The following A3GALT2 variants were observed in gnomAD, a reference collection of about 807,000 sequenced individuals.
A3GALT2 encodes alpha 1,3-galactosyltransferase 2, also known as alpha-1,3-galactosyltransferase 2.
A neutral mutation model predicts 16.6 loss-of-function variants in A3GALT2; 14 were observed. The observed-to-expected ratio is 0.84, with a 90% CI of 0.56 to 1.32. A3GALT2 has a LOEUF of 1.32. A3GALT2 is among the 40% of genes most tolerant of loss of function. A3GALT2 has a pLI of 0.00. For missense variants in A3GALT2, 600 were observed against 490.9 expected (o/e 1.22, Z -2.10); for synonymous variants, 253 against 218.0 (o/e 1.16, Z -1.42).
chr1:33,312,282 G>A (rs1312754569), intron 3 of A3GALT2, 93 bp from the exon 4 acceptor site: 17 of 1,543,526 alleles, frequency 1.1e-5, no homozygotes, highest in African/African-American at 1.4e-5. Context: ...TGAGCCCTAG[G>A]GACCCATAGA....
Position 33,307,086 on chromosome 1 carries a change from C to A in A3GALT2, c.703G>T (p.Glu235Ter), listed in dbSNP as rs1418927165. The change falls in exon 5 of 5, where the codon GAA becomes TAA. Residue 235 changes from glutamate (E) to a stop codon, truncating the protein, a stop_gained. Transcript: ENST00000442999. LOFTEE classifies it low-confidence loss of function (END_TRUNC). ...GCGGCGGCCGAATGCGCGTCGCGTTCGAAGGGCAGCAGCCACGACGGCCAG... is the reference window on the plus strand; with the variant it reads ...GCGGCGGCCGAATGCGCGTCGCGTTAGAAGGGCAGCAGCCACGACGGCCAG... ...YHWPSWLLPF[E>*]RDAHSAAAMA... 1 of 1,522,528 alleles carries A rather than the reference C, an allele frequency of 6.6e-7. No individual in the cohort carries two copies. Among genetic ancestry groups the A allele is most frequent in the Non-Finnish European group, 8.8e-7 (1 of 1,137,484 alleles). 94.3% of individuals were successfully genotyped at this position (1,522,528 alleles called of 1,614,324 possible). A position where few individuals can be genotyped will look rare whatever the true frequency, so the allele number is the denominator to read the frequency against.
chr1:33,317,230 C>T (rs1008844225), intron 1 of A3GALT2, among the ~76,000 whole-genome samples: 1 of 152,076 alleles, frequency 6.6e-6, no homozygotes, highest in Non-Finnish European at 1.5e-5. Flanking sequence ...GAAAAATGCT[C>T]ATACAGGAAC....
chr1:33,316,327 G>A (rs534015058), intron 1 of A3GALT2, among the ~76,000 whole-genome samples: 3 of 152,196 alleles, frequency 2.0e-5, no homozygotes, highest in East Asian at 1.9e-4. Flanking sequence ...CCCAGGGCCC[G>A]CATGTCAGGC....
rs1646281750 is a variant in A3GALT2, at chr1:33,320,695, C to A, written c.23+381G>T. On this transcript the variant is annotated intron_variant, in intron 1 of 4. Transcript: ENST00000442999. The surrounding 1 kb of genome is among the most constrained non-coding windows in gnomAD (Gnocchi z 4.3). ...TCTTAAGGGGGCACAGGTTCCTAGTCCTGGACCATCAGTCCCAGTGGGGAT... is the reference window on the plus strand; with the variant it reads ...TCTTAAGGGGGCACAGGTTCCTAGTACTGGACCATCAGTCCCAGTGGGGAT... 6.6e-6 allele frequency among the ~76,000 whole-genome samples: 1 copy of A among 152,012 alleles called. No individual in the cohort carries two copies. Among genetic ancestry groups the A allele is most frequent in the Admixed American group, 6.6e-5 (1 of 15,122 alleles).
At chr1:33,319,003 C>T (rs1177897477) in intron 1 of A3GALT2, among the ~76,000 whole-genome samples, 3 of 152,220 alleles carry the variant, frequency 2.0e-5, no homozygotes, top group African/African-American at 7.2e-5. Flanking sequence ...TAAGTCTGCA[C>T]TCCTTATGCA....
chr1:33,311,327 G>A lies in A3GALT2; in HGVS notation c.335+725C>T, dbSNP rs920628054. 2.0e-5 allele frequency among the ~76,000 whole-genome samples: 3 copies of A among 152,060 alleles called. No individual in the cohort carries two copies. In the East Asian group the frequency reaches 5.8e-4, roughly 29 times the overall value. ...TTTCCCGTGCCCTCCACGGTCACCT[G>A]TTCCCTTCACAGTTACCTGTTCCCA... is the stretch of plus-strand genomic sequence containing the variant. On this transcript the variant is annotated intron_variant, in intron 4 of 4. Transcript: ENST00000442999.
chr1:33,308,572 TTTTTTTGTA>T (rs1222100345), intron 4 of A3GALT2, among the ~76,000 whole-genome samples: 4 of 151,472 alleles, frequency 2.6e-5, no homozygotes, highest in Admixed American at 6.6e-5. Flanking sequence ...GCCCGGCCAA[TTTTTTTGTA>T]TTTTTAGTAG....
chr1:33,313,170 A>AGT lies in A3GALT2; in HGVS notation c.24-281_24-280insAC, dbSNP rs72510638. On this transcript the variant is annotated intron_variant, in intron 1 of 4. Transcript: ENST00000442999. ...ATGCACAAGTGTTTGTGGCTCAGTG[A>AGT]CGGAGTTTTTTTTTTTTTTTTTTTT... Among the ~76,000 whole-genome samples, 2 of 452 alleles carry AGT rather than the reference A, an allele frequency of 4.4e-3. 1 individual carries two copies. Among genetic ancestry groups the AGT allele is most frequent in the Admixed American group, 0.083 (2 of 24 alleles). 0.3% of individuals were successfully genotyped at this position (452 alleles called of 152,430 possible).
chr1:33,316,064 TTCGTAGATGAGGAGG>T (rs1646259896), intron 1 of A3GALT2, among the ~76,000 whole-genome samples: 1 of 152,176 alleles, frequency 6.6e-6, no homozygotes, highest in African/African-American at 2.4e-5. Flanking sequence ...CACCTGAGCC[TTCGTAGATGAGGAGG>T]TAGTTGGGGC....
chr1:33,308,959 C>A (rs562068439), intron 4 of A3GALT2, among the ~76,000 whole-genome samples: 2 of 151,162 alleles, frequency 1.3e-5, no homozygotes, highest in African/African-American at 2.4e-5. Context: ...GATTAGGGAG[C>A]GGTGATGACT....
In A3GALT2 at chr1:33,312,849, A is replaced by AGT; in HGVS notation, c.63_64dup (p.Leu22HisfsTer5). On this transcript the variant is annotated frameshift_variant, in exon 2 of 5. Coordinates refer to ENST00000442999, the MANE Select transcript of A3GALT2 (RefSeq NM_001080438.1). LOFTEE classifies it high-confidence loss of function. The stretch of plus-strand genomic sequence containing the variant: ...ATACAGAAACAGGCCTAAGAGGCCA[A>AGT]GTGTAAGTAGGATCTGCCGCCAGAA... 4 of 1,606,916 alleles carry AGT rather than the reference A, an allele frequency of 2.5e-6. No individual in the cohort carries two copies. In the South Asian group the frequency reaches 4.5e-5, roughly 18 times the overall value.
chr1:33,316,638 T>C (rs1311180502), intron 1 of A3GALT2, among the ~76,000 whole-genome samples: 8 of 149,996 alleles, frequency 5.3e-5, no homozygotes, highest in Non-Finnish European at 1.0e-4. Flanking sequence ...GAGGAATAGG[T>C]GGTGAGGGGC....
At position 33,312,587 on chromosome 1, in the gene A3GALT2, A is replaced by G; in HGVS notation, c.111T>C (p.His37=). Residue 37 remains histidine (H), a synonymous_variant, in exon 3 of 5, where the codon CAT becomes CAC. Transcript: ENST00000442999. Reference sequence around the variant, plus strand: ...CGCCCATGGGGATGAGGGCTTCCAGATGCCTGTGGTGGGTTGAGGGGCGGG... The same window carrying G: ...CGCCCATGGGGATGAGGGCTTCCAGGTGCCTGTGGTGGGTTGAGGGGCGGG... The part of the protein sequence containing the change: ...LFLYGLPKFR[H]LEALIPMGVC... 6.3e-7 allele frequency: 1 copy of G among 1,585,548 alleles called. No homozygotes were observed. The highest frequency in any genetic ancestry group is 8.6e-7 in the Non-Finnish European group (1 of 1,164,254).
chr1:33,312,984 G>T, intron 1 of A3GALT2, 94 bp from the exon 2 acceptor site: 1 of 1,044,502 alleles, frequency 9.6e-7, no homozygotes, highest in South Asian at 1.4e-5. Context: ...CTTACTTCCA[G>T]CCAGCTGGTT....
Position 33,307,193 on chromosome 1 carries a change from T to C in A3GALT2, c.596A>G (p.Asp199Gly). ...AGTGCCGCTGAAGTGCTGGTCCACG[T>C]CCATGCAGAACATGAAGTGCGCCTC... ...GREAHFMFCM[D>G]VDQHFSGTFG... The change falls in exon 5 of 5, where the codon GAC becomes GGC. Residue 199 changes from aspartate to glycine, a missense_variant. Transcript: ENST00000442999. 6.5e-7 allele frequency: 1 copy of C among 1,541,696 alleles called. No homozygotes were observed. The highest frequency in any genetic ancestry group is 1.2e-5 in the South Asian group (1 of 82,650).
At chr1:33,318,714 C>T (rs1004177968) in intron 1 of A3GALT2, among the ~76,000 whole-genome samples, 3 of 152,134 alleles carry the variant, frequency 2.0e-5, no homozygotes, top group Admixed American at 6.5e-5. Flanking sequence ...CATTCCTCAG[C>T]ACCCAGCTTC....
intron 4 of A3GALT2, among the ~76,000 whole-genome samples, chr1:33,308,562 G>A (rs937762995): frequency 5.3e-5 from 8 of 151,624 alleles, no homozygotes; most frequent in Non-Finnish European, 8.8e-5. Flanking sequence ...CCACCACCAC[G>A]CCCGGCCAAT....
chr1:33,317,234 CA>C (rs1405400787), intron 1 of A3GALT2, among the ~76,000 whole-genome samples: 4 of 152,056 alleles, frequency 2.6e-5, no homozygotes, highest in African/African-American at 4.8e-5. Context: ...AATGCTCATA[CA>C]GGAACATGAA....
intron 1 of A3GALT2, chr1:33,313,201 T>TG (rs1646244839): frequency 3.9e-6 from 1 of 255,364 alleles, no homozygotes; most frequent in African/African-American, 2.3e-5. Flanking sequence ...TTTTTTTTTT[T>TG]GAGACAGCCT....
Sources: allele counts gnomAD v4.1 joint callset (sites outside exome capture counted in the v4.1 genomes callset), GRCh38; gene constraint gnomAD v4.1.1; non-coding constraint Gnocchi (gnomAD v3.1); transcripts MANE v1.5; gene names NCBI Gene and HGNC (gene_info 2026-07-23, HGNC 2026-07-21).